Variants in PRKCE observed in about 807,000 individuals in gnomAD.
The protein encoded by PRKCE is protein kinase C epsilon type.
Under a neutral mutation model 85.4 loss-of-function variants are expected in PRKCE, and 16 were observed. That is an observed-to-expected ratio of 0.19 (90% CI 0.13 to 0.28). PRKCE has a LOEUF of 0.28. PRKCE is among the 10% of genes least tolerant of loss of function. The probability of loss-of-function intolerance (pLI) is 1.00; values close to 1 mark genes in which losing one functional copy is unlikely to be tolerated. For synonymous variants in PRKCE, 388 were observed against 371.5 expected, an observed-to-expected ratio of 1.04 and a Z score of -0.51; for missense variants, 573 against 975.2, an observed-to-expected ratio of 0.59 and a Z score of 5.49.
rs1342357573 is a variant in PRKCE at position 46,011,089 on chromosome 2, T to G, written c.1437+572T>G. On this transcript the variant is annotated intron_variant, in intron 10 of 14. Coordinates refer to ENST00000306156, the MANE Select transcript of PRKCE (RefSeq NM_005400.3). ...CCATAACTCCATGGTAGAGTCTGAC[T>G]CGAGTATTATTAACTAATTTGTTAC... 7.1e-6 allele frequency: 3 copies of G among 420,840 alleles called. No individual in the cohort carries two copies. The East Asian group carries it at 1.9e-4, about 27-fold the overall frequency. The allele number at this position is 420,840 out of a possible 1,614,324, so 26.1% of individuals were successfully genotyped here.
intron 1 of PRKCE, among the ~76,000 whole-genome samples, chr2:45,665,498 T>C (rs979491979): frequency 6.6e-6 from 1 of 152,234 alleles, no homozygotes; most frequent in Non-Finnish European, 1.5e-5. Flanking sequence ...TCTGCCCCAG[T>C]TGATGAGCAA....
intron 10 of PRKCE, among the ~76,000 whole-genome samples, chr2:46,082,614 C>A (rs1669197509): frequency 6.6e-6 from 1 of 152,142 alleles, no homozygotes; most frequent in South Asian, 2.1e-4. Flanking sequence ...CCTCAGCAAG[C>A]ACTCAGTGAG....
intron 10 of PRKCE, among the ~76,000 whole-genome samples, chr2:46,013,662 G>A (rs1705875358): frequency 6.6e-6 from 1 of 152,172 alleles, no homozygotes; most frequent in South Asian, 2.1e-4. Context: ...GGAACACAAA[G>A]ACCCGATTGC....
chr2:45,771,104 G>A (rs948485062), intron 1 of PRKCE, among the ~76,000 whole-genome samples: 9 of 152,156 alleles, frequency 5.9e-5, no homozygotes, highest in African/African-American at 2.2e-4. Context: ...GTTTAGAGGG[G>A]CTGCACTGGG....
chr2:46,011,881 T>C (rs1192978871), intron 10 of PRKCE, among the ~76,000 whole-genome samples: 1 of 152,208 alleles, frequency 6.6e-6, no homozygotes, highest in Non-Finnish European at 1.5e-5. Flanking sequence ...ATAAGAAATA[T>C]CGTCTGAAAA....
At chr2:45,925,543 G>T (rs1428495124) in intron 2 of PRKCE, among the ~76,000 whole-genome samples, 2 of 152,082 alleles carry the variant, frequency 1.3e-5, no homozygotes, top group South Asian at 2.1e-4. Flanking sequence ...TGATCCACCC[G>T]CCTCGGCCTC....
intron 1 of PRKCE, among the ~76,000 whole-genome samples, chr2:45,684,445 A>G (rs377725401): frequency 8.1e-4 from 124 of 152,358 alleles, no homozygotes; most frequent in South Asian, 2.1e-3. Flanking sequence ...TAGACTCTCT[A>G]TAGGAAATAT....
At chr2:45,949,005 T>C (rs1274736887) in intron 2 of PRKCE, among the ~76,000 whole-genome samples, 1 of 152,252 alleles carries the variant, frequency 6.6e-6, no homozygotes, top group Non-Finnish European at 1.5e-5. Context: ...CATTCATTTG[T>C]TAGCAGACAT....
chr2:45,721,859 GGAGA>G (rs1475495787), intron 1 of PRKCE, among the ~76,000 whole-genome samples: 2 of 150,510 alleles, frequency 1.3e-5, no homozygotes, highest in Non-Finnish European at 2.9e-5. Flanking sequence ...CTGCGGTGAT[GGAGA>G]GAGACCCTGA....
In PRKCE at chr2:46,001,988, A is replaced by G. The variant is rs1704721221; in HGVS notation, c.966+442A>G. Among the ~76,000 whole-genome samples the G allele has an allele frequency of 6.6e-6, 1 of 152,198 alleles. No homozygotes were observed. Among genetic ancestry groups the G allele is most frequent in the Admixed American group, 6.5e-5 (1 of 15,280 alleles). On this transcript the variant is annotated intron_variant, in intron 7 of 14. Coordinates refer to ENST00000306156, the MANE Select transcript of PRKCE (RefSeq NM_005400.3). This position sits in a 1 kb window ranked among gnomAD's most constrained non-coding sequence, Gnocchi z 4.4. ...CTTTTCTAGGGAGGAAGCCAAGATGATTTGTGATCATACCAGCACTGAGCT... is the reference window on the plus strand; with the variant it reads ...CTTTTCTAGGGAGGAAGCCAAGATGGTTTGTGATCATACCAGCACTGAGCT...
chr2:45,666,948 C>G (rs1167028003), intron 1 of PRKCE, among the ~76,000 whole-genome samples: 1 of 152,166 alleles, frequency 6.6e-6, no homozygotes, highest in Non-Finnish European at 1.5e-5. Context: ...TCAAGGGATC[C>G]TCTTGCCTCA....
intron 10 of PRKCE, among the ~76,000 whole-genome samples, chr2:46,084,721 A>T (rs1234675376): frequency 1.8e-5 from 2 of 114,038 alleles, no homozygotes; most frequent in Admixed American, 8.8e-5. Flanking sequence ...ACTCCATCAA[A>T]AAAAAAAAAA....
intron 10 of PRKCE, among the ~76,000 whole-genome samples, chr2:46,023,901 T>G (rs1257009997): frequency 2.0e-5 from 3 of 152,082 alleles, no homozygotes; most frequent in Non-Finnish European, 2.9e-5. Flanking sequence ...TTCTATATAG[T>G]GTTCATTACA....
At chr2:46,137,678 G>A (rs1037569718) in intron 11 of PRKCE, among the ~76,000 whole-genome samples, 8 of 150,530 alleles carry the variant, frequency 5.3e-5, no homozygotes, top group South Asian at 2.1e-4. Flanking sequence ...CAGGAGAATC[G>A]CTTGATCCTG....
chr2:45,844,345 G>T (rs564934351), intron 2 of PRKCE, among the ~76,000 whole-genome samples: 2 of 152,182 alleles, frequency 1.3e-5, no homozygotes, highest in Admixed American at 1.3e-4. Context: ...ATTACATTTT[G>T]GCATTTCCAA....
chr2:46,109,891 T>C (rs2104207545), intron 11 of PRKCE, among the ~76,000 whole-genome samples: 1 of 152,248 alleles, frequency 6.6e-6, no homozygotes, highest in East Asian at 1.9e-4. Flanking sequence ...CCTAATCTGC[T>C]GAGAATTTTT....
chr2:45,781,635 C>G (rs1686196269), intron 1 of PRKCE, among the ~76,000 whole-genome samples: 1 of 152,126 alleles, frequency 6.6e-6, no homozygotes, highest in South Asian at 2.1e-4. Context: ...GGGCCTCCAC[C>G]CGCGCCCGCC....
At chr2:45,795,760 A>T (rs776578852) in intron 1 of PRKCE, among the ~76,000 whole-genome samples, 1 of 152,140 alleles carries the variant, frequency 6.6e-6, no homozygotes, top group South Asian at 2.1e-4. Context: ...ATTGGCCACT[A>T]TGTTCTTTGC....
intron 1 of PRKCE, among the ~76,000 whole-genome samples, chr2:45,661,754 T>C (rs1163655876): frequency 6.6e-6 from 1 of 150,826 alleles, no homozygotes; most frequent in Admixed American, 6.6e-5. Flanking sequence ...TTAGCCATGA[T>C]GGTCTCAATC....
Sources: allele counts gnomAD v4.1 joint callset (sites outside exome capture counted in the v4.1 genomes callset), GRCh38; gene constraint gnomAD v4.1.1; non-coding constraint Gnocchi (gnomAD v3.1); transcripts MANE v1.5; gene names NCBI Gene and HGNC (gene_info 2026-07-23, HGNC 2026-07-21).